The following SDK2 variants were observed in gnomAD, a reference collection of about 807,000 sequenced individuals.
SDK2 encodes the protein sidekick cell adhesion molecule 2.
In SDK2, 105 loss-of-function variants were observed where a neutral mutation model predicts 253.9. That is an observed-to-expected ratio of 0.41 (90% confidence interval 0.35 to 0.49). SDK2 has a LOEUF of 0.49. Among genes scored for constraint, SDK2 ranks in the 20% least tolerant of loss-of-function variants. The pLI, the probability that SDK2 is intolerant of heterozygous loss-of-function variation, is 0.06. For synonymous variants in SDK2, 1,249 were observed against 1,234.9 expected (o/e 1.01, Z -0.24); for missense variants, 2,608 against 3,003.0 (o/e 0.87, Z 3.07).
intron 18 of SDK2, among the ~76,000 whole-genome samples, chr17:73,409,267 G>C (rs2063105903): frequency 6.6e-6 from 1 of 152,160 alleles, no homozygotes; most frequent in Non-Finnish European, 1.5e-5. Context: ...GATCATTTGA[G>C]GTCAGGAGTT....
At chr17:73,475,543 A>C (rs1181657667) in intron 2 of SDK2, among the ~76,000 whole-genome samples, 1 of 152,158 alleles carries the variant, frequency 6.6e-6, no homozygotes, top group Non-Finnish European at 1.5e-5. Context: ...GCAGAGACAA[A>C]CAAACGAAAG....
Position 73,361,806 on chromosome 17 carries a change from C to T in SDK2, c.5345G>A (p.Ser1782Asn), listed in dbSNP as rs760328400. 6.2e-7 allele frequency: 1 copy of T among 1,607,612 alleles called. No homozygotes were observed. Among genetic ancestry groups the T allele is most frequent in the Non-Finnish European group, 8.5e-7 (1 of 1,176,876 alleles). Residue 1782 changes from serine to asparagine, a missense_variant, in exon 39 of 45, where the codon AGC becomes AAC. Physicochemically the swap from Ser to Asn is conservative, Grantham distance 46 (BLOSUM62 1). Around this residue, in one of 2 missense-constraint regions of SDK2, gnomAD observed 1,103 missense variants for 1,143.9 expected, o/e 0.96. Transcript: ENST00000392650. The surrounding 1 kb of genome is among the most constrained non-coding windows in gnomAD (Gnocchi z 4.1). ...KIVTVDVKGN[S>N]PLWLKVKDLA... ...GTCCTTCACCTTCAGCCACAGGGGG[C>T]TGTTCCCCTTCACGTCCACGGTCAC... is the stretch of plus-strand genomic sequence containing the variant.
intron 18 of SDK2, among the ~76,000 whole-genome samples, chr17:73,413,754 T>C (rs1309096405): frequency 6.6e-6 from 1 of 152,222 alleles, no homozygotes; most frequent in African/African-American, 2.4e-5. Context: ...TATTCAGCGG[T>C]GCGAGCAGTG....
Position 73,416,082 on chromosome 17 carries a change from G to C in SDK2, c.2187-90C>G. The C allele has an allele frequency of 5.7e-6, 7 of 1,231,166 alleles. No individual in the cohort carries two copies. In the South Asian group the frequency reaches 1.0e-4, roughly 18 times the overall value. 76.3% of individuals were successfully genotyped at this position (1,231,166 alleles called of 1,614,324 possible). On this transcript the variant is annotated intron_variant, in intron 16 of 44. Coordinates refer to ENST00000392650, the MANE Select transcript of SDK2 (RefSeq NM_001144952.2). ...TTGTCCAGAGCAGCGCTGTCCAATA[G>C]GACTTCCGGTGGTGGCGGAAGTGCT...
chr17:73,506,900 A>C (rs1207501184), intron 2 of SDK2, among the ~76,000 whole-genome samples: 2 of 152,248 alleles, frequency 1.3e-5, no homozygotes, highest in Non-Finnish European at 2.9e-5. Context: ...AGTCAGGCCC[A>C]AGAGCTCCAT....
intron 44 of SDK2, among the ~76,000 whole-genome samples, chr17:73,345,130 C>G (rs1328727653): frequency 6.6e-6 from 1 of 152,106 alleles, no homozygotes; most frequent in Admixed American, 6.5e-5. Context: ...ACCAGCCTGG[C>G]CAACATGGTG....
At chr17:73,450,165 G>T (rs1319518363) in intron 4 of SDK2, among the ~76,000 whole-genome samples, 1 of 152,194 alleles carries the variant, frequency 6.6e-6, no homozygotes, top group Admixed American at 6.5e-5. Flanking sequence ...CCCGTGCAGG[G>T]CTCTGGCTGG....
chr17:73,535,341 T>C (rs2044756131), intron 1 of SDK2, among the ~76,000 whole-genome samples: 1 of 152,088 alleles, frequency 6.6e-6, no homozygotes, highest in African/African-American at 2.4e-5. Context: ...CAAATGGGGA[T>C]CTCCACCCTC....
Position 73,379,212 on chromosome 17 carries a change from G to A in SDK2, c.4945C>T (p.Leu1649=). The A allele has an allele frequency of 6.4e-7, 1 of 1,559,034 alleles. No homozygotes were observed. The highest frequency in any genetic ancestry group is 8.7e-7 in the Non-Finnish European group (1 of 1,150,962). ...TGGATGTCTCCATTCTGGCTGTCCA[G>A]CGGAGGTGGCTCCCAAGTCACGTCC... ...QLDVTWEPPP[L]DSQNGDIQGY... Residue 1649 remains leucine (L), a synonymous_variant, in exon 36 of 45, where the codon CTG becomes TTG. Transcript: ENST00000392650. This position sits in a 1 kb window ranked among gnomAD's most constrained non-coding sequence, Gnocchi z 4.5.
Position 73,401,965 on chromosome 17 carries a change from C to A in SDK2, c.2661G>T (p.Leu887=). 6.2e-7 allele frequency: 1 copy of A among 1,611,112 alleles called. No homozygotes were observed. Among genetic ancestry groups the A allele is most frequent in the Non-Finnish European group, 8.5e-7 (1 of 1,178,714 alleles). ...PGDGPRSTPQ[L]VRTHEDVPGP... The stretch of plus-strand genomic sequence containing the variant: ...GCCTACCATCCTCATGGGTGCGCAC[C>A]AGCTGCGGGGTGCTGCGTGGCCCGT... The change falls in exon 19 of 45, where the codon CTG becomes CTT. Residue 887 remains leucine (L), a synonymous_variant. Transcript: ENST00000392650.
At chr17:73,572,460 T>C (rs141500607) in intron 1 of SDK2, among the ~76,000 whole-genome samples, 615 of 152,068 alleles carry the variant, frequency 4.0e-3, no homozygotes, top group Non-Finnish European at 6.7e-3. Context: ...TGGCACCCTG[T>C]CCCCAGCCCT....
rs2062817605 is a variant in SDK2, at chr17:73,379,985, G to C, written c.4763-436C>G. On this transcript the variant is annotated intron_variant, in intron 34 of 44. Transcript: ENST00000392650. This position sits in a 1 kb window ranked among gnomAD's most constrained non-coding sequence, Gnocchi z 4.5. Reference sequence around the variant, plus strand: ...TTACACAGCGGGGCTCAGCTCCAGGGGGGAGGGGCGCATTGGATGTGAATT... The same window carrying C: ...TTACACAGCGGGGCTCAGCTCCAGGCGGGAGGGGCGCATTGGATGTGAATT... Among the ~76,000 whole-genome samples the C allele has an allele frequency of 1.3e-5, 2 of 152,112 alleles. No homozygotes were observed. Among genetic ancestry groups the C allele is most frequent in the Non-Finnish European group, 2.9e-5 (2 of 68,016 alleles).
In SDK2 at chr17:73,338,848, C is replaced by A. The variant is rs141527901; in HGVS notation, c.6258G>T (p.Ser2086=). ...HYISDPTYYN[S]WRRQQKGISR... ...AGATGCCCTTCTGCTGTCGCCGCCACGAGTTGTAGTATGTGGGGTCACTGA... is the reference window on the plus strand; with the variant it reads ...AGATGCCCTTCTGCTGTCGCCGCCAAGAGTTGTAGTATGTGGGGTCACTGA... The change falls in exon 45 of 45, where the codon TCG becomes TCT. Residue 2086 remains serine (S), a synonymous_variant. Coordinates refer to ENST00000392650, the MANE Select transcript of SDK2 (RefSeq NM_001144952.2). This position sits in a 1 kb window ranked among gnomAD's most constrained non-coding sequence, Gnocchi z 5.0. 2 of 1,613,958 alleles carry A rather than the reference C, an allele frequency of 1.2e-6. No individual in the cohort carries two copies. Among genetic ancestry groups the A allele is most frequent in the South Asian group, 2.2e-5 (2 of 91,080 alleles).
In SDK2 at chr17:73,496,089, C is replaced by T. The variant is rs934166565; in HGVS notation, c.224+11349G>A. ...ACTTCCCGGGAGGGTGGGAAGGAAC[C>T]GTGGCCAGGAAGAATGAGGTGGGAG... On this transcript the variant is annotated intron_variant, in intron 2 of 44. Transcript: ENST00000392650. This position sits in a 1 kb window ranked among gnomAD's most constrained non-coding sequence, Gnocchi z 4.7. Among the ~76,000 whole-genome samples the T allele has an allele frequency of 1.2e-4, 18 of 152,038 alleles. No individual in the cohort carries two copies. The highest frequency in any genetic ancestry group is 1.4e-4 in the African/African-American group (6 of 41,544).
intron 3 of SDK2, among the ~76,000 whole-genome samples, chr17:73,461,081 C>T (rs888902858): frequency 2.0e-5 from 3 of 152,234 alleles, no homozygotes; most frequent in Admixed American, 6.5e-5. Context: ...CTTCCTGAGT[C>T]GCATCCTGCA....
chr17:73,423,944 C>T lies in SDK2; in HGVS notation c.1732G>A (p.Asp578Asn), dbSNP rs1192577031. ...TCRVISAGGN[D>N]SRSAHLRVRQ... ...ACTCGCAGGTGGGCACTGCGAGAGT[C>T]GTTGCCTCCTGCTGAGATCACCCGG... is the stretch of plus-strand genomic sequence containing the variant. The change falls in exon 13 of 45, where the codon GAC becomes AAC. Residue 578 changes from aspartate to asparagine, a missense_variant. Transcript: ENST00000392650. 22 of 1,596,558 alleles carry T rather than the reference C, an allele frequency of 1.4e-5. No homozygotes were observed. The highest frequency in any genetic ancestry group is 1.0e-4 in the Admixed American group (6 of 58,022).
intron 5 of SDK2, 102 bp from the exon 6 acceptor site, chr17:73,441,025 G>A (rs2063411545): frequency 1.2e-6 from 1 of 843,974 alleles, no homozygotes; most frequent in South Asian, 1.7e-5. Context: ...TCCTTACCGA[G>A]TGGAGCAGGT....
intron 6 of SDK2, 28 bp from the exon 7 acceptor site, chr17:73,438,182 T>C: frequency 6.5e-7 from 1 of 1,540,536 alleles, no homozygotes; most frequent in Non-Finnish European, 8.8e-7. Flanking sequence ...AGGCCAGTGT[T>C]CAGCCATGAG....
intron 1 of SDK2, among the ~76,000 whole-genome samples, chr17:73,530,775 A>G (rs771793744): frequency 1.3e-5 from 2 of 152,206 alleles, no homozygotes; most frequent in Admixed American, 6.5e-5. Flanking sequence ...GTTAATTTTC[A>G]GAAGGGAATC....
Sources: gnomAD v4.1 joint callset for allele counts (sites outside exome capture counted in the v4.1 genomes callset) on GRCh38, gnomAD v4.1.1 for gene constraint, gnomAD v4.1.1 regional missense constraint, Gnocchi (gnomAD v3.1) non-coding constraint, MANE v1.5 for transcripts, NCBI Gene and HGNC (gene_info 2026-07-23, HGNC 2026-07-21) for gene names.